Variants in TENM1 observed in about 807,000 individuals in gnomAD.
TENM1 encodes teneurin transmembrane protein 1, also known as teneurin-1.
TENM1 carries 35 observed loss-of-function variants against 174.8 expected under a neutral mutation model. The observed-to-expected ratio is 0.20, with a 90% CI of 0.15 to 0.27. The LOEUF is 0.27. Ranked by LOEUF, TENM1 falls within the 10% of genes least tolerant of loss-of-function variation. TENM1 has a pLI of 1.00. For synonymous variants in TENM1, 781 were observed against 798.7 expected (o/e 0.98, Z 0.37); for missense variants, 1,633 against 2,130.1 (o/e 0.77, Z 4.59).
At chrX:124,674,373 T>C (rs2052008657) in intron 5 of TENM1, among the ~76,000 whole-genome samples, 1 of 105,367 alleles carries the variant, frequency 9.5e-6, no homozygotes, top group Admixed American at 1.0e-4. Context: ...TTTGTGTTCC[T>C]AGGTGAACTG....
the TENM1 span, among the ~76,000 whole-genome samples, chrX:125,010,842 C>T: frequency 3.7e-5 from 4 of 106,869 alleles, no homozygotes; most frequent in African/African-American, 1.4e-4. Flanking sequence ...TTTTAAATTA[C>T]ATGTGGAACC....
chrX:124,581,241 A>T (rs1163190375), intron 11 of TENM1, among the ~76,000 whole-genome samples: 1 of 108,324 alleles, frequency 9.2e-6, no homozygotes, highest in Non-Finnish European at 1.9e-5. Flanking sequence ...ATTTTTTTGT[A>T]TTTTTAGTAG....
chrX:125,115,548 A>T, the TENM1 span, among the ~76,000 whole-genome samples: 1 of 111,859 alleles, frequency 8.9e-6, no homozygotes, highest in Non-Finnish European at 1.9e-5. Context: ...AAGTCTCAGG[A>T]TACAAAATCA....
At chrX:125,099,626 C>T in the TENM1 span, among the ~76,000 whole-genome samples, 1,900 of 111,733 alleles carry the variant, frequency 0.017, 35 homozygotes, top group African/African-American at 0.058. Flanking sequence ...TGAATGCTAT[C>T]GGTTCCATCT....
the TENM1 span, among the ~76,000 whole-genome samples, chrX:125,044,219 A>T: frequency 2.1e-4 from 21 of 97,690 alleles, no homozygotes; most frequent in Middle Eastern, 5.0e-3. Context: ...AAATAAAAAA[A>T]AAATAAAAAA....
intron 25 of TENM1, among the ~76,000 whole-genome samples, chrX:124,418,497 C>T (rs1294002018): frequency 1.8e-5 from 2 of 111,566 alleles, no homozygotes; most frequent in Non-Finnish European, 3.8e-5. Flanking sequence ...CTTGATCTCC[C>T]TTACTTTACT....
intron 4 of TENM1, among the ~76,000 whole-genome samples, chrX:124,708,465 A>T (rs944519919): frequency 8.9e-6 from 1 of 111,828 alleles, no homozygotes; most frequent in African/African-American, 3.3e-5. Flanking sequence ...ATTTTTCCTC[A>T]GGAAATGATG....
intron 11 of TENM1, among the ~76,000 whole-genome samples, chrX:124,616,058 G>A (rs1261213264): frequency 1.8e-5 from 2 of 112,941 alleles, no homozygotes; most frequent in Non-Finnish European, 3.7e-5. Flanking sequence ...TGTCTTTGGT[G>A]TGACTTGCCA....
intron 10 of TENM1, among the ~76,000 whole-genome samples, chrX:124,643,463 C>G (rs189998993): frequency 1.0e-3 from 111 of 111,430 alleles, no homozygotes; most frequent in Non-Finnish European, 1.8e-3. Flanking sequence ...ATTGCCACCA[C>G]GTAGCAATGT....
the TENM1 span, among the ~76,000 whole-genome samples, chrX:125,109,022 C>T: frequency 9.0e-6 from 1 of 111,067 alleles, no homozygotes; most frequent in Non-Finnish European, 1.9e-5. Flanking sequence ...ATCTTCTGCT[C>T]CCCTGTCTCA....
chrX:125,172,328 C>A, the TENM1 span, among the ~76,000 whole-genome samples: 6 of 109,906 alleles, frequency 5.5e-5, no homozygotes, highest in African/African-American at 1.0e-4. Flanking sequence ...CTCACCCCCC[C>A]CCATTTTAAA....
exon 2 of TENM1, chrX:124,896,067 T>C: frequency 1.7e-6 from 2 of 1,211,511 alleles, no homozygotes; most frequent in Non-Finnish European, 2.2e-6. Flanking sequence ...GGAACTATGC[T>C]CTGATTTCAT....
the TENM1 span, among the ~76,000 whole-genome samples, chrX:125,115,494 C>T: frequency 1.8e-4 from 20 of 111,350 alleles, no homozygotes; most frequent in Admixed American, 1.4e-3. Context: ...AAAACTCCAT[C>T]GTCACAGCCC....
intron 23 of TENM1, among the ~76,000 whole-genome samples, chrX:124,425,539 C>T (rs1420696716): frequency 2.7e-5 from 3 of 112,270 alleles, no homozygotes; most frequent in Non-Finnish European, 5.6e-5. Flanking sequence ...CCATATGATG[C>T]CATTCCACCA....
At chrX:124,385,866 A>G (rs377432160) in exon 29 of TENM1, 2 of 1,208,931 alleles carry the variant, frequency 1.7e-6, no homozygotes, top group African/African-American at 3.5e-5. Flanking sequence ...GTCTGTAGCA[A>G]TCGGCCATCT....
chrX:124,698,800 A>G (rs762361067), intron 5 of TENM1, among the ~76,000 whole-genome samples: 6 of 111,543 alleles, frequency 5.4e-5, no homozygotes, highest in African/African-American at 1.6e-4. Flanking sequence ...TGTATTTATT[A>G]AAACATACTA....
intron 11 of TENM1, among the ~76,000 whole-genome samples, chrX:124,614,226 G>A (rs755635681): frequency 2.4e-3 from 264 of 111,386 alleles, no homozygotes; most frequent in Non-Finnish European, 4.4e-3. Context: ...TTGTATTTTT[G>A]CTCTATGTTC....
At chrX:125,005,225 CACACAA>C in the TENM1 span, among the ~76,000 whole-genome samples, 2 of 98,651 alleles carry the variant, frequency 2.0e-5, no homozygotes, top group Non-Finnish European at 4.2e-5. Context: ...CACACACACA[CACACAA>C]ATAATTCTAT....
the TENM1 span, among the ~76,000 whole-genome samples, chrX:125,106,487 G>T: frequency 9.3e-6 from 1 of 107,493 alleles, no homozygotes; most frequent in East Asian, 2.9e-4. Context: ...TCAGCTCACT[G>T]CAAGCTGTGC....
Sources: gnomAD v4.1 joint callset for allele counts (sites outside exome capture counted in the v4.1 genomes callset) on GRCh38, gnomAD v4.1.1 for gene constraint, MANE v1.5 for transcripts, NCBI Gene and HGNC (gene_info 2026-07-23, HGNC 2026-07-21) for gene names.